Variants in SLTM observed in about 807,000 individuals in gnomAD.
The protein encoded by SLTM is SAFB like transcription modulator.
Under a neutral mutation model 134.6 loss-of-function variants are expected in SLTM, and 43 were observed. That is an observed-to-expected ratio of 0.32 (90% confidence interval 0.25 to 0.41). The LOEUF is 0.41. Among genes scored for constraint, SLTM ranks in the 10% least tolerant of loss-of-function variants. The pLI is 1.00. For missense variants in SLTM, 1,055 were observed against 1,288.8 expected (o/e 0.82, Z 2.78); for synonymous variants, 424 against 432.3 (o/e 0.98, Z 0.24).
rs533149355 is a variant in SLTM, at chr15:58,896,007, C to T, written c.1227+1108G>A. Among the ~76,000 whole-genome samples, 14 of 152,316 alleles carry T rather than the reference C, an allele frequency of 9.2e-5. No individual in the cohort carries two copies. The South Asian group carries it at 2.7e-3, about 29-fold the overall frequency. On this transcript the variant is annotated intron_variant, in intron 9 of 20. Transcript: ENST00000380516. ...AAGGTCCCTGACCTCAAAAAGCTTA[C>T]ACTGGAGTACATTAACTATTTGATG...
intron 6 of SLTM, chr15:58,900,820 G>C (rs1366593639): frequency 5.9e-6 from 1 of 169,306 alleles, no homozygotes; most frequent in Non-Finnish European, 1.2e-5. Flanking sequence ...CTGTATGGAA[G>C]TTTCTCTAAG....
intron 13 of SLTM, 23 bp from the exon 14 acceptor site, chr15:58,893,083 C>A: frequency 6.4e-7 from 1 of 1,555,424 alleles, no homozygotes; most frequent in Non-Finnish European, 8.6e-7. Flanking sequence ...ATTAGAAGAA[C>A]ACTAGAAATT....
At chr15:58,888,329 A>G (rs2034389632) in intron 17 of SLTM, 56 bp downstream of exon 17, 1 of 1,443,652 alleles carries the variant, frequency 6.9e-7, no homozygotes, top group Middle Eastern at 1.8e-4. Flanking sequence ...TAGGAGAAAC[A>G]GAGTTATCAC....
Position 58,882,228 on chromosome 15 carries a change from G to T in SLTM, c.2996+1398C>A, listed in dbSNP as rs558982478. Among the ~76,000 whole-genome samples the T allele has an allele frequency of 6.4e-5, 9 of 140,354 alleles. No homozygotes were observed. In the South Asian group the frequency reaches 1.9e-3, roughly 30 times the overall value. The allele number at this position is 140,354 out of a possible 152,430, so 92.1% of individuals were successfully genotyped here. On this transcript the variant is annotated intron_variant, in intron 20 of 20. Coordinates refer to ENST00000380516, the MANE Select transcript of SLTM (RefSeq NM_024755.4). Reference sequence around the variant, plus strand: ...GAAATTTATACTAGGAATGAAGAAAGGTAAGGACAAGCCCCGTATTTCCAG... The same window carrying T: ...GAAATTTATACTAGGAATGAAGAAATGTAAGGACAAGCCCCGTATTTCCAG...
chr15:58,891,771 A>G (rs529805439), intron 14 of SLTM, among the ~76,000 whole-genome samples: 27 of 152,246 alleles, frequency 1.8e-4, no homozygotes, highest in African/African-American at 5.3e-4. Context: ...TAGTTAAGCC[A>G]TTACATTTTT....
chr15:58,883,419 A>T (rs961626272), intron 20 of SLTM: 2 of 611,602 alleles, frequency 3.3e-6, no homozygotes, highest in Non-Finnish European at 2.8e-6. Flanking sequence ...CACTGAATTC[A>T]TTTAAAAGGA....
In SLTM at chr15:58,897,205, A is replaced by C; in HGVS notation, c.1137T>G (p.Ser379Arg). The change falls in exon 9 of 21, where the codon AGT becomes AGG. Residue 379 changes from serine (S) to arginine (R), a missense_variant. Coordinates refer to ENST00000380516, the MANE Select transcript of SLTM (RefSeq NM_024755.4). ...CCCAGATATTTTTAGTTGAGCTTCCACTGCTACCACTAGTACTACTTGTAC... is the reference window on the plus strand; with the variant it reads ...CCCAGATATTTTTAGTTGAGCTTCCCCTGCTACCACTAGTACTACTTGTAC... ...KGSTSSTSGSSGSSTKNIWVS... is the reference protein window; with the variant it reads ...KGSTSSTSGSRGSSTKNIWVS... 1 of 1,607,434 alleles carries C rather than the reference A, an allele frequency of 6.2e-7. No homozygotes were observed. Among genetic ancestry groups the C allele is most frequent in the Non-Finnish European group, 8.5e-7 (1 of 1,174,188 alleles).
intron 2 of SLTM, among the ~76,000 whole-genome samples, chr15:58,923,963 T>A (rs1185287564): frequency 2.6e-5 from 4 of 151,984 alleles, no homozygotes; most frequent in African/African-American, 9.7e-5. Context: ...TATAGCCTCA[T>A]GCCACCACAC....
intron 2 of SLTM, among the ~76,000 whole-genome samples, chr15:58,929,385 T>C (rs1308967342): frequency 6.7e-6 from 1 of 150,330 alleles, no homozygotes; most frequent in East Asian, 2.0e-4. Context: ...GAGGCGGAGG[T>C]TGCAGTGAGC....
Position 58,913,658 on chromosome 15 carries a change from A to T in SLTM, c.354T>A (p.Asp118Glu). 1 of 1,613,532 alleles carries T rather than the reference A, an allele frequency of 6.2e-7. No homozygotes were observed. The highest frequency in any genetic ancestry group is 1.1e-5 in the South Asian group (1 of 91,060). Residue 118 changes from aspartate (D) to glutamate (E), a missense_variant, in exon 4 of 21, where the codon GAT becomes GAA. This residue lies in a region of SLTM where 268 missense variants were observed against 284.3 expected (regional missense o/e 0.94). Coordinates refer to ENST00000380516, the MANE Select transcript of SLTM (RefSeq NM_024755.4). ...ELENQEAHEQDGNDELKDSEE... is the reference protein window; with the variant it reads ...ELENQEAHEQEGNDELKDSEE... ...CAGAGTCCTTTAGTTCATCATTTCC[A>T]TCTTGCTCATGTGCCTCTTGATTCT...
chr15:58,916,814 A>G, intron 3 of SLTM, 121 bp downstream of exon 3: 1 of 688,152 alleles, frequency 1.5e-6, no homozygotes, highest in Middle Eastern at 3.7e-4. Context: ...TCAATATTAC[A>G]TAGGTCTTTA....
At chr15:58,885,741 A>G (rs1206843449) in intron 19 of SLTM, among the ~76,000 whole-genome samples, 1 of 152,134 alleles carries the variant, frequency 6.6e-6, no homozygotes, top group Non-Finnish European at 1.5e-5. Flanking sequence ...CCGAGATCGC[A>G]CCACGGCATG....
intron 9 of SLTM, among the ~76,000 whole-genome samples, chr15:58,895,565 G>A (rs559081521): frequency 1.2e-4 from 19 of 152,258 alleles, no homozygotes; most frequent in Admixed American, 3.3e-4. Context: ...GGTATGGGTG[G>A]CTGGAACAAA....
In SLTM at chr15:58,898,874, A is replaced by G. The variant is rs200908999; in HGVS notation, c.1059-22T>C. 6.9e-4 allele frequency: 1,108 copies of G among 1,597,026 alleles called. 7 individuals are homozygous for G. The Middle Eastern group carries it at 0.021, about 31-fold the overall frequency. On this transcript the variant is annotated intron_variant, in intron 7 of 20. Transcript: ENST00000380516. The stretch of plus-strand genomic sequence containing the variant: ...AGAGCTAAAGAGGCAAATCACCAGA[A>G]GAAAATTGAAAACAAAAACAAAAAC...
At chr15:58,888,865 TG>T (rs1367968439) in intron 16 of SLTM, 10 of 226,528 alleles carry the variant, frequency 4.4e-5, no homozygotes, top group Admixed American at 1.1e-4. Context: ...ATAAAATACC[TG>T]AAACCACTTT....
chr15:58,897,083 G>A (rs1464763879), intron 9 of SLTM, 32 bp downstream of exon 9: 1 of 1,283,554 alleles, frequency 7.8e-7, no homozygotes, highest in Admixed American at 1.7e-5. Context: ...GCAGACACCA[G>A]AAAGACAGAT....
chr15:58,882,616 C>T (rs548307882), intron 20 of SLTM, among the ~76,000 whole-genome samples: 60 of 152,286 alleles, frequency 3.9e-4, no homozygotes, highest in African/African-American at 1.3e-3. Context: ...GAAAAGTCAT[C>T]GGTGACCTTT....
chr15:58,927,862 C>T (rs1344323347), intron 2 of SLTM, among the ~76,000 whole-genome samples: 2 of 152,162 alleles, frequency 1.3e-5, no homozygotes, highest in Non-Finnish European at 2.9e-5. Flanking sequence ...AATTACAGTA[C>T]ACTATGATAC....
At chr15:58,921,154 C>A (rs1165747809) in intron 2 of SLTM, among the ~76,000 whole-genome samples, 1 of 152,096 alleles carries the variant, frequency 6.6e-6, no homozygotes, top group South Asian at 2.1e-4. Flanking sequence ...GGTCCAGGTG[C>A]TAGGATAAAT....
Sources: gnomAD v4.1 joint callset for allele counts (sites outside exome capture counted in the v4.1 genomes callset) on GRCh38, gnomAD v4.1.1 for gene constraint, gnomAD v4.1.1 regional missense constraint, MANE v1.5 for transcripts, NCBI Gene and HGNC (gene_info 2026-07-23, HGNC 2026-07-21) for gene names.